The following VPS54 variants were observed in gnomAD, a reference collection of about 807,000 sequenced individuals.
VPS54 encodes VPS54 subunit of GARP complex.
A neutral mutation model predicts 121.5 loss-of-function variants in VPS54; 45 were observed. The ratio of observed to expected loss-of-function variants is 0.37; its 90% CI spans 0.29 to 0.47. The LOEUF (loss-of-function observed/expected upper bound fraction) is 0.47. Among genes scored for constraint, VPS54 ranks in the 20% least tolerant of loss-of-function variants. The pLI is 0.99. For missense variants in VPS54, 1,090 were observed against 1,131.4 expected (o/e 0.96, Z 0.52); for synonymous variants, 371 against 385.8 (o/e 0.96, Z 0.45).
At chr2:63,936,912 T>C (rs1674481142) in intron 11 of VPS54, among the ~76,000 whole-genome samples, 1 of 152,112 alleles carries the variant, frequency 6.6e-6, no homozygotes, top group African/African-American at 2.4e-5. Flanking sequence ...GTCAGTCTTT[T>C]CAACAAATGA....
At chr2:63,920,256 T>C (rs1237735059) in intron 14 of VPS54, among the ~76,000 whole-genome samples, 190 bp downstream of exon 14, 3 of 152,154 alleles carry the variant, frequency 2.0e-5, no homozygotes, top group East Asian at 1.9e-4. Context: ...AGTACTTTAA[T>C]AGAAGTAAAC....
intron 3 of VPS54, chr2:63,975,387 C>A (rs969506668): frequency 4.4e-5 from 8 of 180,000 alleles, no homozygotes; most frequent in African/African-American, 1.6e-4. Context: ...GCTAGACTAC[C>A]TTTGTTGGAC....
At chr2:63,996,403 T>G (rs1223433497) in intron 1 of VPS54, among the ~76,000 whole-genome samples, 1 of 152,110 alleles carries the variant, frequency 6.6e-6, no homozygotes, top group African/African-American at 2.4e-5. Flanking sequence ...AGGATGTATG[T>G]CACCTCAGGA....
intron 22 of VPS54, 123 bp from the exon 23 acceptor site, chr2:63,893,658 T>C: frequency 1.3e-6 from 1 of 762,904 alleles, no homozygotes; most frequent in South Asian, 1.9e-5. Context: ...TGCCCAAGTG[T>C]CCAAATACTT....
At chr2:63,964,526 TGAAAGCCTGTGTCATGA>T (rs1675901939) in intron 6 of VPS54, among the ~76,000 whole-genome samples, 1 of 152,192 alleles carries the variant, frequency 6.6e-6, no homozygotes, top group Non-Finnish European at 1.5e-5. Context: ...ACTTAGAATA[TGAAAGCCTGTGTCATGA>T]GCAAGCCTGT....
At chr2:63,950,922 TATC>T (rs1209186131) in intron 7 of VPS54, among the ~76,000 whole-genome samples, 3 of 152,194 alleles carry the variant, frequency 2.0e-5, no homozygotes, top group Admixed American at 6.6e-5. Flanking sequence ...CTTCTCCTAT[TATC>T]ATGACATTTT....
intron 10 of VPS54, among the ~76,000 whole-genome samples, chr2:63,943,616 G>C (rs1213241469): frequency 6.6e-6 from 1 of 152,040 alleles, no homozygotes; most frequent in Non-Finnish European, 1.5e-5. Flanking sequence ...ATCTAAGCCA[G>C]CTAAAAACAT....
At chr2:63,915,927 A>G (rs1385063885) in intron 16 of VPS54, among the ~76,000 whole-genome samples, 4 of 152,244 alleles carry the variant, frequency 2.6e-5, no homozygotes, top group African/African-American at 9.6e-5. Context: ...AGACATATAC[A>G]TAAATAAACA....
intron 3 of VPS54, among the ~76,000 whole-genome samples, chr2:63,977,416 C>T (rs187341385): frequency 1.7e-4 from 26 of 152,314 alleles, no homozygotes; most frequent in African/African-American, 5.8e-4. Context: ...CCTTACTTCC[C>T]TTGCATCCCA....
At chr2:64,017,124 A>G (rs1678739712) in intron 1 of VPS54, among the ~76,000 whole-genome samples, 1 of 151,332 alleles carries the variant, frequency 6.6e-6, no homozygotes, top group Non-Finnish European at 1.5e-5. Context: ...GGTGGATCAC[A>G]AGGTCAGGAG....
Position 63,917,006 on chromosome 2 carries a change from G to A in VPS54, c.2165-43C>T, listed in dbSNP as rs201390895. 3.0e-5 allele frequency: 47 copies of A among 1,592,738 alleles called. No individual in the cohort carries two copies. The Middle Eastern group carries it at 6.7e-4, about 23-fold the overall frequency. On this transcript the variant is annotated intron_variant, in intron 15 of 22. Transcript: ENST00000272322. ...TAAACGAGAGACAAGAGTACCAGAC[G>A]AAACAAAATAGAGAAAAAGCTGAAG...
At chr2:63,999,455 CT>C (rs1677765291) in intron 1 of VPS54, among the ~76,000 whole-genome samples, 1 of 152,194 alleles carries the variant, frequency 6.6e-6, no homozygotes, top group Non-Finnish European at 1.5e-5. Flanking sequence ...GAAAAGTCTA[CT>C]GCCAGCCATA....
At chr2:63,989,421 C>T (rs753690004) in intron 1 of VPS54, among the ~76,000 whole-genome samples, 44 of 152,238 alleles carry the variant, frequency 2.9e-4, no homozygotes, top group Non-Finnish European at 5.4e-4. Flanking sequence ...GTGATGTCTC[C>T]CCCAGATACC....
At chr2:63,988,473 G>A (rs192598569) in intron 1 of VPS54, among the ~76,000 whole-genome samples, 38 of 152,296 alleles carry the variant, frequency 2.5e-4, no homozygotes, top group South Asian at 4.1e-4. Flanking sequence ...ACCCCGAACC[G>A]AGGGACTGGC....
chr2:63,945,958 G>A (rs919098291), intron 9 of VPS54, among the ~76,000 whole-genome samples: 4 of 151,966 alleles, frequency 2.6e-5, no homozygotes, highest in Admixed American at 2.0e-4. Context: ...CAATATTTTT[G>A]TACAAATGGA....
intron 16 of VPS54, among the ~76,000 whole-genome samples, chr2:63,915,209 C>T (rs1243386156): frequency 6.7e-6 from 1 of 148,740 alleles, no homozygotes; most frequent in Non-Finnish European, 1.5e-5. Flanking sequence ...TTATCACCTC[C>T]ATAGAAGGAC....
chr2:63,903,980 G>A (rs62136391), intron 20 of VPS54, among the ~76,000 whole-genome samples: 4 of 152,126 alleles, frequency 2.6e-5, no homozygotes, highest in Admixed American at 2.0e-4. Context: ...GCAAGATCCA[G>A]CTTCATTCTG....
chr2:63,945,246 T>C (rs1674924427), intron 9 of VPS54, among the ~76,000 whole-genome samples: 1 of 152,192 alleles, frequency 6.6e-6, no homozygotes, highest in Admixed American at 6.6e-5. Context: ...TGCAGGAACA[T>C]GGATGGAGCT....
At chr2:63,927,441 TAACA>T (rs1464763910) in intron 12 of VPS54, among the ~76,000 whole-genome samples, 3 of 151,958 alleles carry the variant, frequency 2.0e-5, no homozygotes, top group South Asian at 2.1e-4. Flanking sequence ...GAAGGAAAAT[TAACA>T]AACAAAGGAA....
Sources: gnomAD v4.1 joint callset for allele counts (sites outside exome capture counted in the v4.1 genomes callset) on GRCh38, gnomAD v4.1.1 for gene constraint, MANE v1.5 for transcripts, NCBI Gene and HGNC (gene_info 2026-07-23, HGNC 2026-07-21) for gene names.